Variants in SEC16A observed in about 807,000 individuals in gnomAD.
SEC16A encodes SEC16 homolog A, endoplasmic reticulum export factor.
SEC16A carries 110 observed loss-of-function variants against 221.9 expected under a neutral mutation model. The observed-to-expected ratio is 0.50, with a 90% CI of 0.42 to 0.58. The LOEUF is 0.58. Among genes scored for constraint, SEC16A ranks in the 20% least tolerant of loss-of-function variants. The pLI is 0.00. For missense variants in SEC16A, 3,165 were observed against 3,097.8 expected (o/e 1.02, Z -0.52); for synonymous variants, 1,393 against 1,257.7 (o/e 1.11, Z -2.28).
chr9:136,459,211 C>T lies in SEC16A; in HGVS notation c.5332G>A (p.Glu1778Lys), dbSNP rs770859710. 4 of 1,613,726 alleles carry T rather than the reference C, an allele frequency of 2.5e-6. No individual in the cohort carries two copies. Among genetic ancestry groups the T allele is most frequent in the Non-Finnish European group, 3.4e-6 (4 of 1,179,746 alleles). The change falls in exon 17 of 32, where the codon GAA becomes AAA. Residue 1778 changes from glutamate to lysine, a missense_variant. Physicochemically the swap from Glu to Lys is moderately conservative, Grantham distance 56. Coordinates refer to ENST00000684901, the MANE Select transcript of SEC16A (RefSeq NM_014866.2). The surrounding 1 kb of genome is among the most constrained non-coding windows in gnomAD (Gnocchi z 6.1). Reference protein sequence around the residue: ...SLPFLKFATNEAIQRTEAYEY... With the variant: ...SLPFLKFATNKAIQRTEAYEY... ...TAGGCTTCCGTCCTCTGGATTGCTTCGTTGGTTGCGAACTTTAAGAATGGC... is the reference window on the plus strand; with the variant it reads ...TAGGCTTCCGTCCTCTGGATTGCTTTGTTGGTTGCGAACTTTAAGAATGGC...
At chr9:136,472,919 C>A (rs753767933) in intron 3 of SEC16A, among the ~76,000 whole-genome samples, 1 of 152,242 alleles carries the variant, frequency 6.6e-6, no homozygotes, top group South Asian at 2.1e-4. Context: ...GCAGGAGGAC[C>A]GGACAAAGGA....
chr9:136,479,124 AAAAG>A (rs1842009932), intron 1 of SEC16A, among the ~76,000 whole-genome samples: 1 of 151,926 alleles, frequency 6.6e-6, no homozygotes, highest in South Asian at 2.1e-4. Context: ...CCTCTTACAG[AAAAG>A]AAAGGGGCAA....
chr9:136,462,838 G>A (rs765597051), intron 12 of SEC16A, 49 bp downstream of exon 12: 29 of 1,581,932 alleles, frequency 1.8e-5, no homozygotes, highest in Admixed American at 1.0e-4. Flanking sequence ...CACCAGGCCC[G>A]ACCCAGTGGA....
At chr9:136,452,348 G>A (rs1837935938) in intron 22 of SEC16A, among the ~76,000 whole-genome samples, 2 of 150,124 alleles carry the variant, frequency 1.3e-5, no homozygotes, top group African/African-American at 4.9e-5. Flanking sequence ...CTACTCAGGA[G>A]GCTGAGGCAG....
At chr9:136,445,283 A>G (rs922955514) in intron 29 of SEC16A, among the ~76,000 whole-genome samples, 172 bp from the exon 30 acceptor site, 16 of 152,348 alleles carry the variant, frequency 1.1e-4, no homozygotes, top group African/African-American at 3.6e-4. Flanking sequence ...CTTAATGTAA[A>G]GCTGTTATCC....
In SEC16A at chr9:136,475,673, G is replaced by C. The variant is rs750310805; in HGVS notation, c.1943C>G (p.Ala648Gly). 1 of 1,613,798 alleles carries C rather than the reference G, an allele frequency of 6.2e-7. No individual in the cohort carries two copies. The highest frequency in any genetic ancestry group is 8.5e-7 in the Non-Finnish European group (1 of 1,179,866). Residue 648 changes from alanine to glycine, a missense_variant, in exon 3 of 32, where the codon GCT becomes GGT. Physicochemically the swap from Ala to Gly is moderately conservative, Grantham distance 60. Transcript: ENST00000684901. The surrounding 1 kb of genome is among the most constrained non-coding windows in gnomAD (Gnocchi z 5.0). ...TCVRQKQCRP[A>G]AALPDASPGN... Reference sequence around the variant, plus strand: ...AGGGGAAGCATCGGGCAGGGCGGCAGCTGGTCTGCACTGCTTCTGGCGGAC... The same window carrying C: ...AGGGGAAGCATCGGGCAGGGCGGCACCTGGTCTGCACTGCTTCTGGCGGAC...
chr9:136,455,738 G>A lies in SEC16A; in HGVS notation c.5720C>T (p.Thr1907Ile), dbSNP rs753400633. ...DGALPQQCPG[T>I]PSSEMEQLDR... ...CAACTGCTCCATCTCGGAACTCGGA[G>A]TGCCAGGACACTGCTGCGGGAGGGC... The change falls in exon 20 of 32, where the codon ACT (threonine) becomes ATT (isoleucine). Residue 1907 changes from threonine to isoleucine, a missense_variant. This residue lies in a region of SEC16A where 1,088 missense variants were observed against 1,089.6 expected (regional missense o/e 1.00). Transcript: ENST00000684901. 1.9e-6 allele frequency: 3 copies of A among 1,599,052 alleles called. No individual in the cohort carries two copies. Among genetic ancestry groups the A allele is most frequent in the Non-Finnish European group, 2.6e-6 (3 of 1,173,280 alleles).
chr9:136,446,769 C>A, intron 28 of SEC16A, 86 bp downstream of exon 28: 1 of 1,371,634 alleles, frequency 7.3e-7, no homozygotes, highest in Non-Finnish European at 9.9e-7. Flanking sequence ...TGGATACTGA[C>A]TTGCAGAAGG....
chr9:136,459,597 C>G lies in SEC16A; in HGVS notation c.5192-42G>C. 6.7e-7 allele frequency: 1 copy of G among 1,491,070 alleles called. No individual in the cohort carries two copies. Among genetic ancestry groups the G allele is most frequent in the Non-Finnish European group, 9.1e-7 (1 of 1,092,906 alleles). The allele number at this position is 1,491,070 out of a possible 1,614,324, so 92.4% of individuals were successfully genotyped here. A position where few individuals can be genotyped will look rare whatever the true frequency, so the allele number is the denominator to read the frequency against. On this transcript the variant is annotated intron_variant, in intron 15 of 31. Coordinates refer to ENST00000684901, the MANE Select transcript of SEC16A (RefSeq NM_014866.2). The surrounding 1 kb of genome is among the most constrained non-coding windows in gnomAD (Gnocchi z 6.1). ...CGACACACGGCGGGGGCTCAGCGACCGGGAGCGCTTGCAGAAGTCAAGGAC... is the reference window on the plus strand; with the variant it reads ...CGACACACGGCGGGGGCTCAGCGACGGGGAGCGCTTGCAGAAGTCAAGGAC...
chr9:136,466,312 T>A lies in SEC16A; in HGVS notation c.4080A>T (p.Ala1360=). 6.4e-7 allele frequency: 1 copy of A among 1,570,114 alleles called. No homozygotes were observed. The highest frequency in any genetic ancestry group is 1.1e-5 in the South Asian group (1 of 87,092). ...TGCTGCGGCGGCTGGCCAGGCTGTG[T>A]GCGCTGTGCAGGCTCCGTGCCGAGT... ...SEHSARSLHS[A]HSLASRRSSL... The change falls in exon 7 of 32, where the codon GCA becomes GCT. Residue 1360 remains alanine, a synonymous_variant. Coordinates refer to ENST00000684901, the MANE Select transcript of SEC16A (RefSeq NM_014866.2). This position sits in a 1 kb window ranked among gnomAD's most constrained non-coding sequence, Gnocchi z 5.5.
At position 136,456,151 on chromosome 9, in the gene SEC16A, G is replaced by A. The variant is rs1417839855; in HGVS notation, c.5566C>T (p.Arg1856Ter). The A allele has an allele frequency of 6.2e-7, 1 of 1,611,902 alleles. No homozygotes were observed. Among genetic ancestry groups the A allele is most frequent in the Non-Finnish European group, 8.5e-7 (1 of 1,179,530 alleles). The change falls in exon 19 of 32, where the codon CGA becomes TGA. Residue 1856 changes from arginine (R) to a stop codon, truncating the protein, a stop_gained. Coordinates refer to ENST00000684901, the MANE Select transcript of SEC16A (RefSeq NM_014866.2). LOFTEE classifies it high-confidence loss of function. ...TCTTTCAGCTGGGGATCGAAGAGTC[G>A]TAACTGGGAAGCCATCTAGACACGG... is the stretch of plus-strand genomic sequence containing the variant. ...SQLVQMASQL[R>*]LFDPQLKEKP...
chr9:136,461,222 A>G lies in SEC16A; in HGVS notation c.4946T>C (p.Leu1649Pro), dbSNP rs1839436289. The G allele has an allele frequency of 6.2e-7, 1 of 1,609,592 alleles. No individual in the cohort carries two copies. The highest frequency in any genetic ancestry group is 1.3e-5 in the African/African-American group (1 of 74,866). Reference protein sequence around the residue: ...KNGLWGHALLLASKMDSRTHA... With the variant: ...KNGLWGHALLPASKMDSRTHA... ...TGTCCGGCTGTCCATCTTACTTGCA[A>G]GTAGCAGAGCGTGACCCCACAGGCC... Residue 1649 changes from leucine to proline, a missense_variant, in exon 13 of 32, where the codon CTT (leucine) becomes CCT (proline). Around this residue, in one of 3 missense-constraint regions of SEC16A, gnomAD observed 1,088 missense variants for 1,089.6 expected, o/e 1.00. Coordinates refer to ENST00000684901, the MANE Select transcript of SEC16A (RefSeq NM_014866.2).
Position 136,448,117 on chromosome 9 carries a change from T to C in SEC16A, c.6357A>G (p.Thr2119=). The part of the protein sequence containing the change: ...FFRWLPGKKK[T]EAYLPDDKNK... ...TCTTGTCATCTGGCAAATAAGCTTC[T>C]GTCTTTTTCTTTCCAGGTAGCCAAC... is the stretch of plus-strand genomic sequence containing the variant. The change falls in exon 24 of 32, where the codon ACA becomes ACG. Residue 2119 remains threonine (T), a synonymous_variant. Transcript: ENST00000684901. 6.2e-7 allele frequency: 1 copy of C among 1,613,522 alleles called. No individual in the cohort carries two copies. Among genetic ancestry groups the C allele is most frequent in the Non-Finnish European group, 8.5e-7 (1 of 1,179,686 alleles).
In SEC16A at chr9:136,447,377, G is replaced by A. The variant is rs1271718073; in HGVS notation, c.6560-13C>T. ...GCTCTGGTTCCTGCTGCAAAGGGGA[G>A]GGAAGCAAATTGAGGTGAACGCGCC... On this transcript the variant is annotated splice_polypyrimidine_tract_variant and intron_variant, in intron 26 of 31. Transcript: ENST00000684901. The surrounding 1 kb of genome is among the most constrained non-coding windows in gnomAD (Gnocchi z 5.5). The A allele has an allele frequency of 6.3e-7, 1 of 1,597,290 alleles. No homozygotes were observed. Among genetic ancestry groups the A allele is most frequent in the South Asian group, 1.1e-5 (1 of 88,304 alleles).
chr9:136,455,089 G>A (rs933680844), intron 20 of SEC16A, among the ~76,000 whole-genome samples: 7 of 152,344 alleles, frequency 4.6e-5, no homozygotes, highest in South Asian at 4.1e-4. Flanking sequence ...GAAGGAGCCC[G>A]TGCTCATCCA....
At chr9:136,477,889 C>T (rs934442019) in intron 2 of SEC16A, among the ~76,000 whole-genome samples, 1 of 152,126 alleles carries the variant, frequency 6.6e-6, no homozygotes, top group African/African-American at 2.4e-5. Flanking sequence ...AGAGTGAGAA[C>T]CCTGGATGGC....
intron 23 of SEC16A, 90 bp downstream of exon 23, chr9:136,451,166 G>T: frequency 1.5e-6 from 2 of 1,340,028 alleles, no homozygotes; most frequent in Non-Finnish European, 2.1e-6. Flanking sequence ...ATTTGCATGT[G>T]TGGTGAATTA....
chr9:136,452,797 G>C (rs1304475963), intron 22 of SEC16A, among the ~76,000 whole-genome samples: 1 of 147,680 alleles, frequency 6.8e-6, no homozygotes, highest in African/African-American at 2.5e-5. Flanking sequence ...AAAAGGCCAG[G>C]CTTGGTGGAT....
upstream of SEC16A, chr9:136,484,053 C>G (rs1172453808): frequency 6.3e-6 from 1 of 159,920 alleles, no homozygotes; most frequent in Non-Finnish European, 1.3e-5. Context: ...TCCGCCGACT[C>G]GCAAGGGGGA....
Sources: gnomAD v4.1 joint callset for allele counts (sites outside exome capture counted in the v4.1 genomes callset) on GRCh38, gnomAD v4.1.1 for gene constraint, gnomAD v4.1.1 regional missense constraint, Gnocchi (gnomAD v3.1) non-coding constraint, MANE v1.5 for transcripts, NCBI Gene and HGNC (gene_info 2026-07-23, HGNC 2026-07-21) for gene names.